The following KIAA0319L variants were observed in gnomAD, a reference collection of about 807,000 sequenced individuals.
KIAA0319L encodes the protein KIAA0319 like.
Under a neutral mutation model 120.1 loss-of-function variants are expected in KIAA0319L, and 55 were observed. The ratio of observed to expected loss-of-function variants is 0.46; its 90% confidence interval spans 0.37 to 0.57. KIAA0319L has a LOEUF of 0.57. Among genes scored for constraint, KIAA0319L ranks in the 20% least tolerant of loss-of-function variants. The pLI, the probability that KIAA0319L is intolerant of heterozygous loss-of-function variation, is 0.00. For missense variants in KIAA0319L, 1,049 were observed against 1,255.3 expected, an observed-to-expected ratio of 0.84 and a Z score of 2.48; for synonymous variants, 398 against 471.9, an observed-to-expected ratio of 0.84 and a Z score of 2.03.
intron 2 of KIAA0319L, among the ~76,000 whole-genome samples, chr1:35,533,986 C>G (rs1285379540): frequency 2.0e-5 from 3 of 152,170 alleles, no homozygotes; most frequent in African/African-American, 7.2e-5. Context: ...GTAACTAAAT[C>G]CTTTGAAGGA....
chr1:35,551,246 A>G (rs775841252), intron 2 of KIAA0319L, among the ~76,000 whole-genome samples: 1 of 152,190 alleles, frequency 6.6e-6, no homozygotes, highest in Non-Finnish European at 1.5e-5. Flanking sequence ...TTGATTGGTA[A>G]TGAGAACGAA....
chr1:35,462,495 A>C, intron 8 of KIAA0319L, 126 bp downstream of exon 8: 1 of 710,554 alleles, frequency 1.4e-6, no homozygotes, highest in Non-Finnish European at 2.4e-6. Flanking sequence ...CCTTCCCCTA[A>C]CATGGTCAAG....
intron 2 of KIAA0319L, among the ~76,000 whole-genome samples, chr1:35,511,841 A>G (rs1455659032): frequency 6.6e-6 from 1 of 152,238 alleles, no homozygotes; most frequent in Non-Finnish European, 1.5e-5. Flanking sequence ...ATAGAATTTT[A>G]TATACAGCCA....
intron 3 of KIAA0319L, among the ~76,000 whole-genome samples, chr1:35,503,872 T>G (rs2148394274): frequency 6.6e-6 from 1 of 152,108 alleles, no homozygotes; most frequent in South Asian, 2.1e-4. Flanking sequence ...TAAGTATATT[T>G]TCCCTTGTGA....
In KIAA0319L at chr1:35,453,793, G is replaced by C; in HGVS notation, c.1781-104C>G. On this transcript the variant is annotated intron_variant, in intron 11 of 20. Coordinates refer to ENST00000325722, the MANE Select transcript of KIAA0319L (RefSeq NM_024874.5). The surrounding 1 kb of genome is among the most constrained non-coding windows in gnomAD (Gnocchi z 4.1). ...GGAAGCCATGGACTCTGCCTCTCAG[G>C]CCACAGAACTGTCAGATACTGTGGG... 8.7e-7 allele frequency: 1 copy of C among 1,151,464 alleles called. No homozygotes were observed. The highest frequency in any genetic ancestry group is 1.2e-6 in the Non-Finnish European group (1 of 821,590). 71.3% of individuals were successfully genotyped at this position (1,151,464 alleles called of 1,614,324 possible).
intron 2 of KIAA0319L, chr1:35,510,988 C>T (rs1034122018): frequency 3.9e-5 from 6 of 151,940 alleles, no homozygotes; most frequent in African/African-American, 1.5e-4. Context: ...ATCAGAAAAA[C>T]CATCTTAGTG....
chr1:35,553,053 C>T (rs1647389653), intron 2 of KIAA0319L, among the ~76,000 whole-genome samples: 1 of 151,724 alleles, frequency 6.6e-6, no homozygotes, highest in Non-Finnish European at 1.5e-5. Context: ...TGCCACTGCA[C>T]TCCAGCCTAG....
intron 5 of KIAA0319L, among the ~76,000 whole-genome samples, chr1:35,471,392 T>A (rs1643614229): frequency 2.0e-5 from 3 of 152,322 alleles, no homozygotes; most frequent in Admixed American, 2.0e-4. Context: ...AATAGCTTTT[T>A]ACAGAGTGCT....
intron 5 of KIAA0319L, among the ~76,000 whole-genome samples, chr1:35,471,901 T>C (rs1357338513): frequency 6.6e-6 from 1 of 152,152 alleles, no homozygotes; most frequent in Non-Finnish European, 1.5e-5. Context: ...CAAGGTCTTC[T>C]TCCTTCCTTC....
intron 5 of KIAA0319L, among the ~76,000 whole-genome samples, chr1:35,471,204 A>G (rs879883336): frequency 1.3e-5 from 2 of 152,024 alleles, no homozygotes; most frequent in Admixed American, 6.6e-5. Context: ...CCCTATACCG[A>G]CCCTCTCAGG....
intron 2 of KIAA0319L, among the ~76,000 whole-genome samples, chr1:35,552,332 T>C (rs759093992): frequency 7.3e-5 from 11 of 151,460 alleles, no homozygotes; most frequent in Non-Finnish European, 1.3e-4. Flanking sequence ...GGTGACAGAG[T>C]GAGACTCCGT....
At chr1:35,463,757 TCC>T (rs769957339) in intron 7 of KIAA0319L, among the ~76,000 whole-genome samples, 3 of 152,210 alleles carry the variant, frequency 2.0e-5, no homozygotes, top group Non-Finnish European at 2.9e-5. Context: ...TGGCTGTGTC[TCC>T]ACTCAAATCT....
At chr1:35,507,694 T>A (rs1367073370) in intron 2 of KIAA0319L, among the ~76,000 whole-genome samples, 1 of 152,216 alleles carries the variant, frequency 6.6e-6, no homozygotes, top group African/African-American at 2.4e-5. Flanking sequence ...CATTCATTCT[T>A]TAACCAATCA....
intron 2 of KIAA0319L, among the ~76,000 whole-genome samples, chr1:35,547,092 A>T (rs1372716482): frequency 6.9e-6 from 1 of 145,514 alleles, no homozygotes; most frequent in East Asian, 2.0e-4. Context: ...GATCATATAT[A>T]TTATTACATA....
At chr1:35,526,194 T>C (rs1646119826) in intron 2 of KIAA0319L, among the ~76,000 whole-genome samples, 1 of 151,366 alleles carries the variant, frequency 6.6e-6, no homozygotes, top group Non-Finnish European at 1.5e-5. Flanking sequence ...CATTAGTCTA[T>C]GTGACTGTCT....
At chr1:35,478,238 T>C (rs1309208458) in intron 4 of KIAA0319L, among the ~76,000 whole-genome samples, 2 of 135,844 alleles carry the variant, frequency 1.5e-5, no homozygotes, top group Admixed American at 1.7e-4. Flanking sequence ...GTTAGATAGA[T>C]GGATGGTTAC....
chr1:35,496,937 A>G lies in KIAA0319L; in HGVS notation c.666+9675T>C, dbSNP rs1371870581. Among the ~76,000 whole-genome samples the G allele has an allele frequency of 2.6e-5, 3 of 114,340 alleles. No homozygotes were observed. In the Admixed American group the frequency reaches 3.2e-4, roughly 12 times the overall value. 75.0% of individuals were successfully genotyped at this position (114,340 alleles called of 152,430 possible). On this transcript the variant is annotated intron_variant, in intron 3 of 20. Coordinates refer to ENST00000325722, the MANE Select transcript of KIAA0319L (RefSeq NM_024874.5). ...ACTCCAGCCTGAGCAACAGAGTGAG[A>G]TTGTGTCTCCAAAAAAAAAAAAAAA...
chr1:35,469,722 C>T (rs183008540), intron 6 of KIAA0319L, among the ~76,000 whole-genome samples: 21 of 151,990 alleles, frequency 1.4e-4, no homozygotes, highest in Non-Finnish European at 2.5e-4. Context: ...TTACCTGCTT[C>T]CTATCAGTAT....
intron 2 of KIAA0319L, among the ~76,000 whole-genome samples, chr1:35,551,453 G>A (rs1234696166): frequency 6.6e-6 from 1 of 152,042 alleles, no homozygotes; most frequent in Non-Finnish European, 1.5e-5. Flanking sequence ...GAGTAGGTGG[G>A]ATTACATGTG....
Sources: gnomAD v4.1 joint callset for allele counts (sites outside exome capture counted in the v4.1 genomes callset) on GRCh38, gnomAD v4.1.1 for gene constraint, Gnocchi (gnomAD v3.1) non-coding constraint, MANE v1.5 for transcripts, NCBI Gene and HGNC (gene_info 2026-07-23, HGNC 2026-07-21) for gene names.